Variants in TNRC18 observed in about 807,000 individuals in gnomAD.
TNRC18 encodes trinucleotide repeat containing 18, also known as trinucleotide repeat-containing gene 18 protein.
In TNRC18, 69 loss-of-function variants were observed where a neutral mutation model predicts 226.7. That is an observed-to-expected ratio of 0.30 (90% CI 0.25 to 0.37). The LOEUF is 0.37. Ranked by LOEUF, TNRC18 falls within the 10% of genes least tolerant of loss-of-function variation. The probability of loss-of-function intolerance (pLI) is 1.00; values close to 1 mark genes in which losing one functional copy is unlikely to be tolerated. For missense variants in TNRC18, 4,754 were observed against 4,256.6 expected (o/e 1.12, Z -3.25); for synonymous variants, 2,449 against 1,927.6 (o/e 1.27, Z -7.09).
At chr7:5,403,224 G>C (rs1248537073) in intron 2 of TNRC18, among the ~76,000 whole-genome samples, 1 of 150,668 alleles carries the variant, frequency 6.6e-6, no homozygotes, top group Non-Finnish European at 1.5e-5. Context: ...GCAATGGCGT[G>C]ATCTCAGCTC....
Position 5,388,192 on chromosome 7 carries a change from G to A in TNRC18, c.1632C>T (p.Ala544=). 1 of 1,589,938 alleles carries A rather than the reference G, an allele frequency of 6.3e-7. No homozygotes were observed. The highest frequency in any genetic ancestry group is 8.5e-7 in the Non-Finnish European group (1 of 1,169,850). The change falls in exon 5 of 30, where the codon GCC becomes GCT. Residue 544 remains alanine, a synonymous_variant. Coordinates refer to ENST00000430969, the MANE Select transcript of TNRC18 (RefSeq NM_001080495.3). The part of the protein sequence containing the change: ...RAEEEAAVVA[A]SSSKKAYLDP... ...CCAGGTAGGCCTTCTTGGAGGAGGA[G>A]GCAGCGACCACGGCGGCCTCCTCTT... is the stretch of plus-strand genomic sequence containing the variant.
intron 18 of TNRC18, among the ~76,000 whole-genome samples, chr7:5,342,400 G>A (rs1023002613): frequency 6.6e-6 from 1 of 150,964 alleles, no homozygotes; most frequent in African/African-American, 2.4e-5. Flanking sequence ...CTGCATTCCA[G>A]CCTGGGCGAC....
Position 5,376,925 on chromosome 7 carries a change from G to A in TNRC18, c.2530C>T (p.Pro844Ser). 2 of 1,602,868 alleles carry A rather than the reference G, an allele frequency of 1.2e-6. No individual in the cohort carries two copies. Among genetic ancestry groups the A allele is most frequent in the Non-Finnish European group, 1.7e-6 (2 of 1,174,960 alleles). Reference sequence around the variant, plus strand: ...TCCCTGACAAACTGGTAGGCTGACGGGAGGGAGCCCCCCAGGCCAGGTGGG... The same window carrying A: ...TCCCTGACAAACTGGTAGGCTGACGAGAGGGAGCCCCCCAGGCCAGGTGGG... ...AFPPGLGGSL[P>S]SAYQFVRDPQ... The change falls in exon 8 of 30, where the codon CCG (proline) becomes TCG (serine). Residue 844 changes from proline (P) to serine (S), a missense_variant. Transcript: ENST00000430969.
intron 2 of TNRC18, among the ~76,000 whole-genome samples, chr7:5,418,049 C>T (rs1271634198): frequency 1.3e-5 from 2 of 152,152 alleles, no homozygotes; most frequent in Non-Finnish European, 2.9e-5. Flanking sequence ...TGGGTCCCAC[C>T]CTCTATTCAT....
At position 5,388,184 on chromosome 7, in the gene TNRC18, G is replaced by C. The variant is rs764729300; in HGVS notation, c.1640C>G (p.Ser547Cys). 3.2e-6 allele frequency: 5 copies of C among 1,586,656 alleles called. No individual in the cohort carries two copies. The highest frequency in any genetic ancestry group is 2.3e-5 in the East Asian group (1 of 43,286). Residue 547 changes from serine (S) to cysteine (C), a missense_variant, in exon 5 of 30, where the codon TCC becomes TGC. Transcript: ENST00000430969. ...EEAAVVAASS[S>C]KKAYLDPGAV... ...CCCAGGGTCCAGGTAGGCCTTCTTGGAGGAGGAGGCAGCGACCACGGCGGC... is the reference window on the plus strand; with the variant it reads ...CCCAGGGTCCAGGTAGGCCTTCTTGCAGGAGGAGGCAGCGACCACGGCGGC...
Position 5,377,248 on chromosome 7 carries a change from G to A in TNRC18, c.2461+123C>T, listed in dbSNP as rs965949863. On this transcript the variant is annotated intron_variant, in intron 7 of 29. Coordinates refer to ENST00000430969, the MANE Select transcript of TNRC18 (RefSeq NM_001080495.3). This position sits in a 1 kb window ranked among gnomAD's most constrained non-coding sequence, Gnocchi z 5.8. ...TATCATTCCTTCTTCCGACGAATGC[G>A]GGAGGCAGGCCCAGGCCCCCCAGGA... 3.8e-5 allele frequency: 44 copies of A among 1,171,216 alleles called. No homozygotes were observed. Among genetic ancestry groups the A allele is most frequent in the South Asian group, 3.7e-4 (23 of 61,692 alleles). The allele number at this position is 1,171,216 out of a possible 1,614,324, so 72.6% of individuals were successfully genotyped here.
At chr7:5,417,549 T>C (rs1026074051) in intron 2 of TNRC18, among the ~76,000 whole-genome samples, 1 of 152,186 alleles carries the variant, frequency 6.6e-6, no homozygotes, top group Non-Finnish European at 1.5e-5. Flanking sequence ...CGGAAGAACA[T>C]GAGCTCCAAT....
Position 5,309,117 on chromosome 7 carries a change from G to A in TNRC18, c.8625+15C>T, listed in dbSNP as rs745633254. The A allele has an allele frequency of 3.1e-5, 49 of 1,592,874 alleles. No individual in the cohort carries two copies. Among genetic ancestry groups the A allele is most frequent in the African/African-American group, 8.1e-5 (6 of 74,262 alleles). Reference sequence around the variant, plus strand: ...CCGCCTAGGACTGGGGGCCGCAGCCGGGCCGCAGGCTCACCTGGCCCTGGT... The same window carrying A: ...CCGCCTAGGACTGGGGGCCGCAGCCAGGCCGCAGGCTCACCTGGCCCTGGT... On this transcript the variant is annotated intron_variant, in intron 28 of 29. Coordinates refer to ENST00000430969, the MANE Select transcript of TNRC18 (RefSeq NM_001080495.3). This position sits in a 1 kb window ranked among gnomAD's most constrained non-coding sequence, Gnocchi z 5.7.
rs752969195 is a variant in TNRC18, at chr7:5,315,132, C to T, written c.6879G>A (p.Pro2293=). The stretch of plus-strand genomic sequence containing the variant: ...GCTTGGCACTTGGCACCAGAAGGGC[C>T]GGGGACGGCTCAGCACCTGTGGGGC... ...DYKIQCAEPS[P]ALLVPSAKRR... Residue 2293 remains proline, a synonymous_variant, in exon 26 of 30, where the codon CCG becomes CCA. Coordinates refer to ENST00000430969, the MANE Select transcript of TNRC18 (RefSeq NM_001080495.3). The T allele has an allele frequency of 2.0e-5, 33 of 1,612,204 alleles. No individual in the cohort carries two copies. The highest frequency in any genetic ancestry group is 2.7e-5 in the Non-Finnish European group (32 of 1,179,558).
At chr7:5,350,967 C>G (rs1385548262) in intron 17 of TNRC18, among the ~76,000 whole-genome samples, 1 of 152,106 alleles carries the variant, frequency 6.6e-6, no homozygotes, top group Non-Finnish European at 1.5e-5. Context: ...CGTGAGAAGA[C>G]AAGTGTTTGT....
intron 2 of TNRC18, among the ~76,000 whole-genome samples, chr7:5,395,799 C>T (rs1016773433): frequency 6.6e-6 from 1 of 152,170 alleles, no homozygotes; most frequent in Non-Finnish European, 1.5e-5. Context: ...AGACCAGCCT[C>T]ACCAACATGG....
Position 5,307,647 on chromosome 7 carries a change from GCCT to G in TNRC18, c.*456_*458del. 2.5e-6 allele frequency: 1 copy of G among 392,742 alleles called. No individual in the cohort carries two copies. Among genetic ancestry groups the G allele is most frequent in the Non-Finnish European group, 5.2e-6 (1 of 192,622 alleles). The allele number at this position is 392,742 out of a possible 1,614,324, so 24.3% of individuals were successfully genotyped here. A position where few individuals can be genotyped will look rare whatever the true frequency, so the allele number is the denominator to read the frequency against. On this transcript the variant is annotated 3_prime_UTR_variant, in exon 30 of 30. Coordinates refer to ENST00000430969, the MANE Select transcript of TNRC18 (RefSeq NM_001080495.3). The stretch of plus-strand genomic sequence containing the variant: ...TGCCCTGTCCCATGCACGGTGGGAG[GCCT>G]TGGGGTGGGCTCCATGCTAAGGGTG...
At position 5,371,105 on chromosome 7, in the gene TNRC18, C is replaced by G. The variant is rs1329563621; in HGVS notation, c.3489G>C (p.Glu1163Asp). The G allele has an allele frequency of 4.3e-6, 7 of 1,612,582 alleles. No homozygotes were observed. In the Admixed American group the frequency reaches 6.7e-5, roughly 15 times the overall value. The change falls in exon 11 of 30, where the codon GAG (glutamate) becomes GAC (aspartate). Residue 1163 changes from glutamate to aspartate, a missense_variant. Glu to Asp is a conservative substitution (Grantham distance 45). Transcript: ENST00000430969. ...GCTCTGTGGGGCCCTCGTCCATGTC[C>G]TCCACCTCTGCCTTCACCTCCCGCT... The part of the protein sequence containing the change: ...LAEREVKAEV[E>D]DMDEGPTELP...
At chr7:5,345,517 G>GGGGGGGGCCCCCCCCCCCCCCCCCCC in intron 18 of TNRC18, 45 bp downstream of exon 18, 14 of 377,742 alleles carry the variant, frequency 3.7e-5, no homozygotes, top group Middle Eastern at 7.4e-4. Context: ...AATGGCGTCC[G>GGGGGGGGCCCCCCCCCCCCCCCCCCC]CCCCTCCCAC....
chr7:5,376,899 G>C lies in TNRC18; in HGVS notation c.2556C>G (p.Asp852Glu), dbSNP rs1417864230. 1 of 1,610,540 alleles carries C rather than the reference G, an allele frequency of 6.2e-7. No homozygotes were observed. Among genetic ancestry groups the C allele is most frequent in the East Asian group, 2.2e-5 (1 of 44,774 alleles). Residue 852 changes from aspartate to glutamate, a missense_variant, in exon 8 of 30, where the codon GAC becomes GAG. Transcript: ENST00000430969. Reference protein sequence around the residue: ...SLPSAYQFVRDPQSGQLVVIP... With the variant: ...SLPSAYQFVREPQSGQLVVIP... ...TGACCACCAGCTGGCCCGATTGGGGGTCCCTGACAAACTGGTAGGCTGACG... is the reference window on the plus strand; with the variant it reads ...TGACCACCAGCTGGCCCGATTGGGGCTCCCTGACAAACTGGTAGGCTGACG...
chr7:5,401,768 C>A (rs1201249605), intron 2 of TNRC18, among the ~76,000 whole-genome samples: 3 of 152,188 alleles, frequency 2.0e-5, no homozygotes, highest in Admixed American at 1.3e-4. Context: ...TAGTCCTATG[C>A]TGCACATCGG....
At chr7:5,339,632 C>T (rs111547296) in intron 18 of TNRC18, among the ~76,000 whole-genome samples, 20,464 of 151,446 alleles carry the variant, frequency 0.14, 1,504 homozygotes, top group East Asian at 0.21. Flanking sequence ...TGCAATGGCC[C>T]GATCTCTGCT....
intron 15 of TNRC18, among the ~76,000 whole-genome samples, chr7:5,357,843 T>C (rs1440808246): frequency 6.6e-6 from 1 of 152,114 alleles, no homozygotes; most frequent in Non-Finnish European, 1.5e-5. Context: ...GCAAGGTGCT[T>C]CTGAAGATGA....
At chr7:5,317,464 G>T (rs530594566) in intron 24 of TNRC18, among the ~76,000 whole-genome samples, 1 of 152,040 alleles carries the variant, frequency 6.6e-6, no homozygotes, top group Non-Finnish European at 1.5e-5. Context: ...GGTGGTGCAT[G>T]CCTGTAATCC....
Sources: gnomAD v4.1 joint callset for allele counts (sites outside exome capture counted in the v4.1 genomes callset) on GRCh38, gnomAD v4.1.1 for gene constraint, Gnocchi (gnomAD v3.1) non-coding constraint, MANE v1.5 for transcripts, NCBI Gene and HGNC (gene_info 2026-07-23, HGNC 2026-07-21) for gene names.